Variants in SYTL3 observed in about 807,000 individuals in gnomAD.
SYTL3 encodes synaptotagmin like 3.
In SYTL3, 88 loss-of-function variants were observed where a neutral mutation model predicts 82.1. That is an observed-to-expected ratio of 1.07 (90% CI 0.90 to 1.28). The LOEUF (loss-of-function observed/expected upper bound fraction) is 1.28. SYTL3 is among the 50% of genes most tolerant of loss of function. SYTL3 has a pLI of 0.00. For missense variants in SYTL3, 831 were observed against 757.6 expected (o/e 1.10, Z -1.14); for synonymous variants, 311 against 289.4 (o/e 1.07, Z -0.76).
chr6:158,672,388 T>C (rs1777496452), intron 5 of SYTL3, among the ~76,000 whole-genome samples: 1 of 152,206 alleles, frequency 6.6e-6, no homozygotes, highest in Non-Finnish European at 1.5e-5. Flanking sequence ...TCATGAGGAA[T>C]GATTTCACTG....
intron 14 of SYTL3, among the ~76,000 whole-genome samples, chr6:158,759,029 C>A (rs1789541922): frequency 6.6e-6 from 1 of 152,212 alleles, no homozygotes; most frequent in African/African-American, 2.4e-5. Context: ...CCCTGAGTTT[C>A]CAGCCTGAAC....
chr6:158,763,285 G>A lies in SYTL3; in HGVS notation c.1518-19G>A, dbSNP rs1790245943. On this transcript the variant is annotated intron_variant, in intron 16 of 17. Coordinates refer to ENST00000611299, the MANE Select transcript of SYTL3 (RefSeq NM_001242394.2). ...CCGTGTGGATGGCAATGATTGCAGG[G>A]TTTGTGTTCCCTCTTCAGCTGTCTC... is the stretch of plus-strand genomic sequence containing the variant. 3 of 1,613,116 alleles carry A rather than the reference G, an allele frequency of 1.9e-6. No homozygotes were observed. Among genetic ancestry groups the A allele is most frequent in the Admixed American group, 3.3e-5 (2 of 60,002 alleles).
intron 5 of SYTL3, among the ~76,000 whole-genome samples, chr6:158,671,092 C>T (rs901920131): frequency 3.3e-5 from 5 of 151,996 alleles, no homozygotes; most frequent in East Asian, 3.9e-4. Flanking sequence ...GCGTGAGCCA[C>T]GGCGCCCGGC....
intron 14 of SYTL3, among the ~76,000 whole-genome samples, chr6:158,758,194 A>G (rs1432534982): frequency 6.6e-6 from 1 of 152,114 alleles, no homozygotes; most frequent in African/African-American, 2.4e-5. Context: ...TAATCCCAGC[A>G]CTTTGGGAGG....
chr6:158,691,192 C>T (rs2128420646), intron 6 of SYTL3, among the ~76,000 whole-genome samples: 1 of 152,112 alleles, frequency 6.6e-6, no homozygotes, highest in Admixed American at 6.5e-5. Flanking sequence ...AATAAAAATA[C>T]AAAAATTAGC....
Position 158,745,645 on chromosome 6 carries a change from A to G in SYTL3, c.1021A>G (p.Lys341Glu), listed in dbSNP as rs1562454599. ...KNLAYGEEKK[K>E]KCNPYVKTYL... ...CCTTGCCTATGGAGAAGAAAAGAAG[A>G]AAAAGTGCAATCCGTAAGTTGTTTT... is the stretch of plus-strand genomic sequence containing the variant. Residue 341 changes from lysine to glutamate, a missense_variant, in exon 12 of 18, where the codon AAA becomes GAA. By Grantham distance (56) the Lys-to-Glu change is moderately conservative (BLOSUM62 1). Transcript: ENST00000611299. The G allele has an allele frequency of 6.3e-7, 1 of 1,598,736 alleles. No individual in the cohort carries two copies. Among genetic ancestry groups the G allele is most frequent in the East Asian group, 2.2e-5 (1 of 44,708 alleles).
chr6:158,753,717 G>A (rs192229565), intron 13 of SYTL3, among the ~76,000 whole-genome samples: 2,877 of 130,542 alleles, frequency 0.022, 98 homozygotes, highest in African/African-American at 0.087. Flanking sequence ...GTGACAGAGC[G>A]AGACTCCGTC....
chr6:158,761,685 G>A (rs778640151), intron 15 of SYTL3, among the ~76,000 whole-genome samples: 1 of 152,128 alleles, frequency 6.6e-6, no homozygotes, highest in African/African-American at 2.4e-5. Context: ...CCAAGTTCAC[G>A]GGGTCACCAG....
intron 5 of SYTL3, among the ~76,000 whole-genome samples, chr6:158,682,229 G>A (rs906383450): frequency 8.0e-5 from 12 of 150,904 alleles, no homozygotes; most frequent in African/African-American, 2.0e-4. Context: ...GTGAGCCACC[G>A]CGCCTGGCTG....
At chr6:158,732,213 T>C (rs1785494499) in intron 11 of SYTL3, among the ~76,000 whole-genome samples, 1 of 152,168 alleles carries the variant, frequency 6.6e-6, no homozygotes. Context: ...CTTAAATCCA[T>C]ATATCCATTT....
chr6:158,732,058 A>G (rs933241734), intron 11 of SYTL3, among the ~76,000 whole-genome samples: 1 of 152,216 alleles, frequency 6.6e-6, no homozygotes, highest in Non-Finnish European at 1.5e-5. Flanking sequence ...CTTTAAGAAT[A>G]CTAGTAATCC....
chr6:158,720,406 C>CAAAAAA (rs10640552), intron 10 of SYTL3, among the ~76,000 whole-genome samples: 42 of 88,050 alleles, frequency 4.8e-4, no homozygotes, highest in Middle Eastern at 6.2e-3. Flanking sequence ...AACTTTGTCT[C>CAAAAAA]AAAAAAAAAA....
At chr6:158,754,842 A>G (rs956670761) in intron 13 of SYTL3, among the ~76,000 whole-genome samples, 3 of 152,234 alleles carry the variant, frequency 2.0e-5, no homozygotes, top group Non-Finnish European at 4.4e-5. Context: ...GCCCACACAC[A>G]GCTGGAGATG....
intron 1 of SYTL3, 103 bp from the exon 2 acceptor site, chr6:158,651,650 G>C (rs1169336290): frequency 6.6e-6 from 1 of 151,758 alleles, no homozygotes; most frequent in East Asian, 1.9e-4. Context: ...TCCATACAAA[G>C]AGGTCAAGTT....
intron 17 of SYTL3, among the ~76,000 whole-genome samples, chr6:158,763,781 C>T (rs554777400): frequency 6.6e-6 from 1 of 152,324 alleles, no homozygotes; most frequent in South Asian, 2.1e-4. Flanking sequence ...GCTTTTGTTT[C>T]TGGCGTCAAT....
At chr6:158,680,587 A>AAACAAAAAG (rs1554246957) in intron 5 of SYTL3, among the ~76,000 whole-genome samples, 1 of 151,226 alleles carries the variant, frequency 6.6e-6, no homozygotes, top group Non-Finnish European at 1.5e-5. Flanking sequence ...AAAAAAAAAA[A>AAACAAAAAG]AAAAAAACAC....
At chr6:158,713,735 C>T in intron 8 of SYTL3, 65 bp from the exon 9 acceptor site, 1 of 1,245,196 alleles carries the variant, frequency 8.0e-7, no homozygotes, top group Non-Finnish European at 1.2e-6. Context: ...GCAGCCTGGA[C>T]ACTGCTGAGG....
chr6:158,697,984 C>T (rs1780743893), intron 6 of SYTL3, among the ~76,000 whole-genome samples: 1 of 152,168 alleles, frequency 6.6e-6, no homozygotes, highest in Admixed American at 6.5e-5. Context: ...AATTGTTGCT[C>T]CCTGGAAGGC....
chr6:158,763,478 C>G lies in SYTL3; in HGVS notation c.1692C>G (p.Asp564Glu). The G allele has an allele frequency of 1.2e-6, 2 of 1,614,210 alleles. No individual in the cohort carries two copies. Among genetic ancestry groups the G allele is most frequent in the Non-Finnish European group, 1.7e-6 (2 of 1,180,020 alleles). The change falls in exon 17 of 18, where the codon GAC (aspartate) becomes GAG (glutamate). Residue 564 changes from aspartate (D) to glutamate (E), a missense_variant. Physicochemically the swap from Asp to Glu is conservative, Grantham distance 45. Coordinates refer to ENST00000611299, the MANE Select transcript of SYTL3 (RefSeq NM_001242394.2). Reference sequence around the variant, plus strand: ...ATCAGGCCCTCTTTGGAATGAACGACCGCTTGCTTGGAGGAACCAGACTTG... The same window carrying G: ...ATCAGGCCCTCTTTGGAATGAACGAGCGCTTGCTTGGAGGAACCAGACTTG... ...VWDQALFGMN[D>E]RLLGGTRLGS...
Sources: gnomAD v4.1 joint callset for allele counts (sites outside exome capture counted in the v4.1 genomes callset) on GRCh38, gnomAD v4.1.1 for gene constraint, MANE v1.5 for transcripts, NCBI Gene and HGNC (gene_info 2026-07-23, HGNC 2026-07-21) for gene names.